The following RTN1 variants were observed in gnomAD, a reference collection of about 807,000 sequenced individuals.
The protein encoded by RTN1 is reticulon 1.
In RTN1, 25 loss-of-function variants were observed where a neutral mutation model predicts 65.5. The ratio of observed to expected loss-of-function variants is 0.38; its 90% CI spans 0.28 to 0.53. The LOEUF (loss-of-function observed/expected upper bound fraction) is 0.53. Among genes scored for constraint, RTN1 ranks in the 20% least tolerant of loss-of-function variants. The pLI is 0.79. For synonymous variants in RTN1, 471 were observed against 447.6 expected (o/e 1.05, Z -0.66); for missense variants, 983 against 1,025.4 (o/e 0.96, Z 0.57).
At chr14:59,806,047 C>T (rs750468655) in intron 1 of RTN1, among the ~76,000 whole-genome samples, 3 of 150,602 alleles carry the variant, frequency 2.0e-5, no homozygotes, top group Non-Finnish European at 3.0e-5. Flanking sequence ...ACCATCCTGG[C>T]CAACATGGTG....
chr14:59,790,716 AT>A lies in RTN1; in HGVS notation c.242-44236del. 2.0e-5 allele frequency among the ~76,000 whole-genome samples: 3 copies of A among 152,046 alleles called. No homozygotes were observed. In the East Asian group the frequency reaches 5.8e-4, roughly 29 times the overall value. ...AGACTTTTTTTGCAAGTTCTTTTTA[AT>A]GTTTTTTCTTTTTCATTTGTTCTAT... On this transcript the variant is annotated intron_variant, in intron 1 of 8. Transcript: ENST00000267484. The surrounding 1 kb of genome is among the most constrained non-coding windows in gnomAD (Gnocchi z 4.1).
intron 3 of RTN1, among the ~76,000 whole-genome samples, chr14:59,674,843 T>G (rs754065536): frequency 2.2e-4 from 34 of 152,086 alleles, no homozygotes; most frequent in Non-Finnish European, 4.1e-4. Context: ...AAAGACAAAG[T>G]TATCTATACA....
intron 3 of RTN1, among the ~76,000 whole-genome samples, chr14:59,704,326 T>G (rs1884242904): frequency 6.6e-6 from 1 of 152,188 alleles, no homozygotes; most frequent in Non-Finnish European, 1.5e-5. Flanking sequence ...AAGAAGATTA[T>G]GCAACATTGC....
chr14:59,731,509 GT>G (rs1884896693), intron 2 of RTN1, among the ~76,000 whole-genome samples: 1 of 152,000 alleles, frequency 6.6e-6, no homozygotes. Flanking sequence ...CAATAAAGCT[GT>G]TTAAAAAAAA....
intron 3 of RTN1, among the ~76,000 whole-genome samples, chr14:59,646,517 C>T (rs1025836175): frequency 2.6e-5 from 4 of 152,028 alleles, no homozygotes; most frequent in Admixed American, 1.3e-4. Flanking sequence ...ATCAGACTTT[C>T]CAGGGTCAAA....
At chr14:59,841,006 T>C (rs1175337751) in intron 1 of RTN1, among the ~76,000 whole-genome samples, 2 of 152,196 alleles carry the variant, frequency 1.3e-5, no homozygotes, top group Non-Finnish European at 2.9e-5. Context: ...TCCCTTTCCA[T>C]ATGTGACCTT....
rs1197332214 is a variant in RTN1, at chr14:59,860,908, C to T, written c.241+9482G>A. The stretch of plus-strand genomic sequence containing the variant: ...CCCATTTAGAATGGCTATATTTACC[C>T]AATGCCTGTACCCCCACTGTATCTA... On this transcript the variant is annotated intron_variant, in intron 1 of 8. Transcript: ENST00000267484. Among the ~76,000 whole-genome samples the T allele has an allele frequency of 2.6e-5, 4 of 152,204 alleles. No individual in the cohort carries two copies. In the East Asian group the frequency reaches 7.7e-4, roughly 29 times the overall value.
chr14:59,630,807 G>C, intron 3 of RTN1: 1 of 1,028,616 alleles, frequency 9.7e-7, no homozygotes, highest in African/African-American at 1.7e-5. Flanking sequence ...GACGGGTAAA[G>C]CGGTTCTGGC....
chr14:59,665,087 C>T (rs1337114346), intron 3 of RTN1, among the ~76,000 whole-genome samples: 1 of 152,030 alleles, frequency 6.6e-6, no homozygotes, highest in Non-Finnish European at 1.5e-5. Flanking sequence ...GATGTTATTT[C>T]TCATGCTTAC....
chr14:59,844,166 G>A lies in RTN1; in HGVS notation c.241+26224C>T, dbSNP rs748921198. ...CCTTATAAACACAGCCTCGGGTATA[G>A]AAGGGAGACAAATGTGCTATGGTTT... On this transcript the variant is annotated intron_variant, in intron 1 of 8. Transcript: ENST00000267484. 7.2e-5 allele frequency among the ~76,000 whole-genome samples: 11 copies of A among 152,186 alleles called. No homozygotes were observed. The South Asian group carries it at 1.5e-3, about 20-fold the overall frequency.
intron 2 of RTN1, among the ~76,000 whole-genome samples, chr14:59,739,290 G>A (rs1159726176): frequency 6.6e-6 from 1 of 152,162 alleles, no homozygotes; most frequent in African/African-American, 2.4e-5. Context: ...GGATGCCGAG[G>A]CGGGCAGATC....
At chr14:59,597,160 G>T (rs1036606164) in intron 8 of RTN1, among the ~76,000 whole-genome samples, 1 of 152,206 alleles carries the variant, frequency 6.6e-6, no homozygotes, top group Non-Finnish European at 1.5e-5. Flanking sequence ...ATGCCAGGAA[G>T]ATGAGCATAA....
At position 59,836,966 on chromosome 14, in the gene RTN1, C is replaced by A. The variant is rs113942115; in HGVS notation, c.241+33424G>T. ...CCTGAAATTTTAATCAAATGCTTTG[C>A]TGACTTTTTTTATTTGTAGCCTAAG... On this transcript the variant is annotated intron_variant, in intron 1 of 8. Coordinates refer to ENST00000267484, the MANE Select transcript of RTN1 (RefSeq NM_021136.3). The surrounding 1 kb of genome is among the most constrained non-coding windows in gnomAD (Gnocchi z 4.9). 2.8e-3 allele frequency among the ~76,000 whole-genome samples: 428 copies of A among 152,152 alleles called. 3 individuals carry two copies. The highest frequency in any genetic ancestry group is 1.0e-2 in the African/African-American group (414 of 41,508).
At position 59,596,539 on chromosome 14, in the gene RTN1, T is replaced by C; in HGVS notation, c.*206A>G. On this transcript the variant is annotated 3_prime_UTR_variant, in exon 9 of 9. Transcript: ENST00000267484. ...AAAAACCACATCTAATACACTTTTCTCTATACTTTAGTGGTTGACACAAGT... is the reference window on the plus strand; with the variant it reads ...AAAAACCACATCTAATACACTTTTCCCTATACTTTAGTGGTTGACACAAGT... The C allele has an allele frequency of 2.2e-6, 1 of 451,910 alleles. No homozygotes were observed. The highest frequency in any genetic ancestry group is 4.0e-5 in the South Asian group (1 of 25,246). The allele number at this position is 451,910 out of a possible 1,614,324, so 28.0% of individuals were successfully genotyped here.
intron 1 of RTN1, among the ~76,000 whole-genome samples, chr14:59,820,085 A>C (rs1224830388): frequency 6.6e-6 from 1 of 152,200 alleles, no homozygotes; most frequent in Non-Finnish European, 1.5e-5. Context: ...GGTGCTAGCA[A>C]GTTGTCACCT....
rs190982727 is a variant in RTN1 at position 59,732,370 on chromosome 14, G to A, written c.1016-4702C>T. Among the ~76,000 whole-genome samples the A allele has an allele frequency of 3.3e-5, 5 of 152,344 alleles. No individual in the cohort carries two copies. In the East Asian group the frequency reaches 7.7e-4, roughly 24 times the overall value. ...GTCCCTGGCACTCATGGAGAGGAAC[G>A]AAAGGGGCAAATGAATACAGTACCT... is the stretch of plus-strand genomic sequence containing the variant. On this transcript the variant is annotated intron_variant, in intron 2 of 8. Transcript: ENST00000267484.
At chr14:59,751,268 G>A (rs911013802) in intron 1 of RTN1, among the ~76,000 whole-genome samples, 3 of 141,568 alleles carry the variant, frequency 2.1e-5, no homozygotes, top group Non-Finnish European at 4.5e-5. Context: ...GTAACAAAAG[G>A]AATAATACTA....
intron 3 of RTN1, among the ~76,000 whole-genome samples, chr14:59,650,781 T>C (rs369151600): frequency 3.3e-4 from 51 of 152,252 alleles, no homozygotes; most frequent in African/African-American, 1.1e-3. Context: ...GGAAAAACAT[T>C]CCATGCTCAT....
chr14:59,846,319 C>T lies in RTN1; in HGVS notation c.241+24071G>A, dbSNP rs1298049746. 6.6e-6 allele frequency among the ~76,000 whole-genome samples: 1 copy of T among 152,186 alleles called. No individual in the cohort carries two copies. Among genetic ancestry groups the T allele is most frequent in the Non-Finnish European group, 1.5e-5 (1 of 68,032 alleles). ...CCTTGCTCACCTACAGCAGACATCA[C>T]TCATTAATCCCGGCATTCTTTCCAC... On this transcript the variant is annotated intron_variant, in intron 1 of 8. Coordinates refer to ENST00000267484, the MANE Select transcript of RTN1 (RefSeq NM_021136.3). The surrounding 1 kb of genome is among the most constrained non-coding windows in gnomAD (Gnocchi z 4.8).
Sources: gnomAD v4.1 joint callset for allele counts (sites outside exome capture counted in the v4.1 genomes callset) on GRCh38, gnomAD v4.1.1 for gene constraint, Gnocchi (gnomAD v3.1) non-coding constraint, MANE v1.5 for transcripts, NCBI Gene and HGNC (gene_info 2026-07-23, HGNC 2026-07-21) for gene names.